TMEM132B: variants seen among roughly 807,000 people sequenced by gnomAD.
The protein encoded by TMEM132B is transmembrane protein 132B.
Under a neutral mutation model 90.8 loss-of-function variants are expected in TMEM132B, and 18 were observed. The ratio of observed to expected loss-of-function variants is 0.20; its 90% CI spans 0.14 to 0.29. The LOEUF (loss-of-function observed/expected upper bound fraction) is 0.29. Among genes scored for constraint, TMEM132B ranks in the 10% least tolerant of loss-of-function variants. TMEM132B has a pLI of 1.00. For synonymous variants in TMEM132B, 504 were observed against 523.3 expected, an observed-to-expected ratio of 0.96 and a Z score of 0.50; for missense variants, 1,096 against 1,326.8, an observed-to-expected ratio of 0.83 and a Z score of 2.70.
At chr12:125,412,261 A>G (rs914346057) in intron 2 of TMEM132B, among the ~76,000 whole-genome samples, 6 of 152,162 alleles carry the variant, frequency 3.9e-5, no homozygotes, top group African/African-American at 1.2e-4. Context: ...GGTCAGAATA[A>G]AAGAAGGAAC....
chr12:125,393,496 A>G (rs1879086802), intron 2 of TMEM132B, among the ~76,000 whole-genome samples: 2 of 152,162 alleles, frequency 1.3e-5, no homozygotes, highest in African/African-American at 4.8e-5. Flanking sequence ...GGAGGCATCA[A>G]TTAAGATGAG....
intron 3 of TMEM132B, among the ~76,000 whole-genome samples, chr12:125,427,778 G>A (rs576921415): frequency 2.0e-5 from 3 of 152,260 alleles, no homozygotes; most frequent in Admixed American, 6.5e-5. Flanking sequence ...ATTCCAACAC[G>A]ACCTTTCTTA....
intron 4 of TMEM132B, among the ~76,000 whole-genome samples, chr12:125,583,559 G>A (rs1404821981): frequency 1.3e-5 from 2 of 152,140 alleles, no homozygotes; most frequent in African/African-American, 2.4e-5. Flanking sequence ...GTGGGACTGA[G>A]GGCGGCGGGG....
Position 125,534,325 on chromosome 12 carries a change from T to C in TMEM132B, c.1293+14700T>C, listed in dbSNP as rs553600946. On this transcript the variant is annotated intron_variant, in intron 4 of 8. Coordinates refer to ENST00000682704, the MANE Select transcript of TMEM132B (RefSeq NM_001366854.1). ...TGAGCGCAGGAATTTGAGACCAGCC[T>C]GGGAAACATAGTGAGACTCCTATCT... Among the ~76,000 whole-genome samples, 6 of 152,286 alleles carry C rather than the reference T, an allele frequency of 3.9e-5. No homozygotes were observed. In the East Asian group the frequency reaches 9.6e-4, roughly 24 times the overall value.
At chr12:125,337,891 A>G (rs1166552976) in intron 1 of TMEM132B, among the ~76,000 whole-genome samples, 1 of 152,180 alleles carries the variant, frequency 6.6e-6, no homozygotes, top group Non-Finnish European at 1.5e-5. Flanking sequence ...CTCCTTCCCC[A>G]AAGTCCGCCA....
At chr12:125,302,580 C>T (rs1875859082) in intron 1 of TMEM132B, among the ~76,000 whole-genome samples, 1 of 152,098 alleles carries the variant, frequency 6.6e-6, no homozygotes, top group African/African-American at 2.4e-5. Context: ...CCCAGGCCTG[C>T]CCGAATCTAA....
At chr12:125,299,511 G>T (rs370572512) in intron 1 of TMEM132B, among the ~76,000 whole-genome samples, 8 of 152,132 alleles carry the variant, frequency 5.3e-5, no homozygotes, top group Non-Finnish European at 1.0e-4. Flanking sequence ...GGCTGATGGC[G>T]CCTGCTTCAC....
At chr12:125,432,525 A>ATATG (rs1880562415) in intron 3 of TMEM132B, among the ~76,000 whole-genome samples, 3 of 71,426 alleles carry the variant, frequency 4.2e-5, no homozygotes, top group African/African-American at 6.9e-5. Flanking sequence ...ATATATATAT[A>ATATG]TATAGAGAGA....
intron 5 of TMEM132B, among the ~76,000 whole-genome samples, chr12:125,638,463 AATAC>A (rs1271250051): frequency 6.6e-6 from 1 of 152,236 alleles, no homozygotes; most frequent in African/African-American, 2.4e-5. Flanking sequence ...TAAACTCAGT[AATAC>A]ATACAAAGTG....
chr12:125,274,433 A>C (rs536603792), intron 1 of TMEM132B, among the ~76,000 whole-genome samples: 1 of 152,298 alleles, frequency 6.6e-6, no homozygotes, highest in South Asian at 2.1e-4. Context: ...CTGCATCTTC[A>C]ACTTTGCCAG....
intron 8 of TMEM132B, 25 bp from the exon 9 acceptor site, chr12:125,653,540 A>G (rs747109942): frequency 1.9e-6 from 3 of 1,585,108 alleles, no homozygotes; most frequent in Non-Finnish European, 2.6e-6. Flanking sequence ...ATTATAACAT[A>G]ATGCTTTGGT....
At chr12:125,239,556 T>C (rs929185157) in intron 1 of TMEM132B, among the ~76,000 whole-genome samples, 25 of 152,204 alleles carry the variant, frequency 1.6e-4, no homozygotes, top group Non-Finnish European at 2.8e-4. Flanking sequence ...GGTCTTCTCA[T>C]AGTGATTAGA....
chr12:125,432,931 G>A (rs150320369), intron 3 of TMEM132B, among the ~76,000 whole-genome samples: 2 of 152,284 alleles, frequency 1.3e-5, no homozygotes, highest in African/African-American at 4.8e-5. Flanking sequence ...CACTCATTTG[G>A]TCTATGAGCA....
At chr12:125,597,751 G>A (rs1449750149) in intron 5 of TMEM132B, among the ~76,000 whole-genome samples, 1 of 152,120 alleles carries the variant, frequency 6.6e-6, no homozygotes, top group Non-Finnish European at 1.5e-5. Flanking sequence ...CCCCTCCAGT[G>A]TCCTTTGCAC....
chr12:125,570,094 G>C (rs1401090679), intron 4 of TMEM132B, among the ~76,000 whole-genome samples: 1 of 152,098 alleles, frequency 6.6e-6, no homozygotes, highest in Non-Finnish European at 1.5e-5. Context: ...GGCTACGTTT[G>C]AGATCCTACT....
intron 3 of TMEM132B, among the ~76,000 whole-genome samples, chr12:125,435,923 G>A (rs1162970702): frequency 5.3e-5 from 8 of 152,098 alleles, no homozygotes; most frequent in Non-Finnish European, 1.0e-4. Flanking sequence ...CAGAGGTAGT[G>A]TCAGAGGGTC....
chr12:125,567,677 C>T (rs531933811), intron 4 of TMEM132B, among the ~76,000 whole-genome samples: 117 of 152,312 alleles, frequency 7.7e-4, no homozygotes, highest in African/African-American at 2.8e-3. Flanking sequence ...TCCGTAATGC[C>T]ATCCACTCAG....
chr12:125,591,857 T>C (rs1446588580), intron 5 of TMEM132B, among the ~76,000 whole-genome samples: 1 of 152,164 alleles, frequency 6.6e-6, no homozygotes, highest in Non-Finnish European at 1.5e-5. Flanking sequence ...TTAGGGGCCG[T>C]CCTAATTCAG....
At chr12:125,457,866 G>T (rs2136464204) in intron 3 of TMEM132B, among the ~76,000 whole-genome samples, 1 of 152,356 alleles carries the variant, frequency 6.6e-6, no homozygotes, top group East Asian at 1.9e-4. Context: ...ACATGTCCAG[G>T]TGAGTGTGAT....
Sources: allele counts gnomAD v4.1 joint callset (sites outside exome capture counted in the v4.1 genomes callset), GRCh38; gene constraint gnomAD v4.1.1; transcripts MANE v1.5; gene names NCBI Gene and HGNC (gene_info 2026-07-23, HGNC 2026-07-21).